Variants in CEP43 observed in about 807,000 individuals in gnomAD.
The protein encoded by CEP43 is centrosomal protein 43.
Under a neutral mutation model 52.6 loss-of-function variants are expected in CEP43, and 36 were observed. The observed-to-expected ratio is 0.68, with a 90% confidence interval of 0.52 to 0.90. CEP43 has a LOEUF of 0.90. CEP43 is among the 40% of genes least tolerant of loss of function. The pLI is 0.00. For missense variants in CEP43, 506 were observed against 472.8 expected (o/e 1.07, Z -0.65); for synonymous variants, 192 against 172.4 (o/e 1.11, Z -0.89).
In CEP43 at chr6:167,052,091, T is replaced by C. The variant is rs1461280804; in HGVS notation, c.*12113T>C. ...TTATTTTTAACTATATTTTTACGTA[T>C]TTCCTTAATGAATGCTTGATGGCTC... On this transcript the variant is annotated 3_prime_UTR_variant, in exon 13 of 13. Coordinates refer to ENST00000366847, the MANE Select transcript of CEP43 (RefSeq NM_007045.4). 6.6e-6 allele frequency: 1 copy of C among 152,204 alleles called. No individual in the cohort carries two copies. The highest frequency in any genetic ancestry group is 2.4e-5 in the African/African-American group (1 of 41,460). 9.4% of individuals were successfully genotyped at this position (152,204 alleles called of 1,614,324 possible).
In CEP43 at chr6:167,048,589, C is replaced by T. The variant is rs1394931894; in HGVS notation, c.*8611C>T. On this transcript the variant is annotated 3_prime_UTR_variant, in exon 13 of 13. Coordinates refer to ENST00000366847, the MANE Select transcript of CEP43 (RefSeq NM_007045.4). Reference sequence around the variant, plus strand: ...AACTATCTTTCAAATTATATCAAAACAGTGATTCATAAATTCCATGTTGCC... The same window carrying T: ...AACTATCTTTCAAATTATATCAAAATAGTGATTCATAAATTCCATGTTGCC... 6.6e-6 allele frequency: 1 copy of T among 152,134 alleles called. No individual in the cohort carries two copies. The highest frequency in any genetic ancestry group is 1.5e-5 in the Non-Finnish European group (1 of 68,022). The allele number at this position is 152,134 out of a possible 1,614,324, so 9.4% of individuals were successfully genotyped here. A position where few individuals can be genotyped will look rare whatever the true frequency, so the allele number is the denominator to read the frequency against.
intron 7 of CEP43, 152 bp from the exon 8 acceptor site, chr6:167,022,257 C>A: frequency 1.8e-6 from 1 of 571,396 alleles, no homozygotes; most frequent in Non-Finnish European, 3.0e-6. Context: ...GAGAGCTGCC[C>A]CAACACACAC....
intron 7 of CEP43, among the ~76,000 whole-genome samples, chr6:167,021,545 G>A (rs910533718): frequency 2.6e-5 from 4 of 152,058 alleles, no homozygotes; most frequent in Non-Finnish European, 5.9e-5. Flanking sequence ...ACATAGACCC[G>A]TCTAAGGGCA....
intron 5 of CEP43, among the ~76,000 whole-genome samples, chr6:167,009,321 C>A (rs531018393): frequency 1.6e-3 from 242 of 151,582 alleles, no homozygotes; most frequent in African/African-American, 5.7e-3. Context: ...ACCAGCCTGG[C>A]CAACATAGTG....
intron 5 of CEP43, among the ~76,000 whole-genome samples, chr6:167,010,469 C>T (rs564382694): frequency 6.6e-6 from 1 of 152,128 alleles, no homozygotes; most frequent in East Asian, 1.9e-4. Context: ...AAAAGTAGAT[C>T]TTAGAGAATT....
Position 167,040,657 on chromosome 6 carries a change from G to C in CEP43, c.*679G>C. 9.8e-7 allele frequency: 1 copy of C among 1,024,628 alleles called. No homozygotes were observed. 63.5% of individuals were successfully genotyped at this position (1,024,628 alleles called of 1,614,324 possible). On this transcript the variant is annotated 3_prime_UTR_variant, in exon 13 of 13. Transcript: ENST00000366847. ...TAGAATTGTCAATAACATAACATTT[G>C]CAATCGTCATTCCTCCTGTTATCCA...
chr6:167,041,796 CTT>C lies in CEP43; in HGVS notation c.*1823_*1824del, dbSNP rs34578448. 2 of 728,064 alleles carry C rather than the reference CTT, an allele frequency of 2.7e-6. No homozygotes were observed. The highest frequency in any genetic ancestry group is 3.2e-6 in the Non-Finnish European group (2 of 622,100). The allele number at this position is 728,064 out of a possible 1,614,324, so 45.1% of individuals were successfully genotyped here. On this transcript the variant is annotated 3_prime_UTR_variant, in exon 13 of 13. Transcript: ENST00000366847. Reference sequence around the variant, plus strand: ...TAAAAGAAATATGCCAAATATGAAACTTTTTTGTCAGCACTACATACATCTTT... The same window carrying C: ...TAAAAGAAATATGCCAAATATGAAACTTTTGTCAGCACTACATACATCTTT...
rs200312790 is a variant in CEP43, at chr6:167,003,725, C to A, written c.214C>A (p.Arg72Ser). 5 of 1,603,724 alleles carry A rather than the reference C, an allele frequency of 3.1e-6. No individual in the cohort carries two copies. Among genetic ancestry groups the A allele is most frequent in the South Asian group, 1.1e-5 (1 of 90,194 alleles). ...LKKFLNTKDG[R>S]LVASLVAEFL... ...TACCTTTTTCTTGATCTTTATAGGTCGTTTAGTGGCTAGTCTTGTTGCAGA... is the reference window on the plus strand; with the variant it reads ...TACCTTTTTCTTGATCTTTATAGGTAGTTTAGTGGCTAGTCTTGTTGCAGA... Residue 72 changes from arginine to serine, a missense_variant and splice_region_variant, in exon 4 of 13, where the codon CGT becomes AGT. Arg to Ser is a moderately radical substitution (Grantham distance 110, BLOSUM62 -1). Coordinates refer to ENST00000366847, the MANE Select transcript of CEP43 (RefSeq NM_007045.4).
chr6:167,039,407 G>T (rs1780647949), intron 12 of CEP43, among the ~76,000 whole-genome samples: 2 of 152,354 alleles, frequency 1.3e-5, no homozygotes, highest in South Asian at 4.1e-4. Context: ...GGGATTGCAG[G>T]CATGAGCCAC....
intron 8 of CEP43, among the ~76,000 whole-genome samples, chr6:167,023,756 G>A (rs1271998867): frequency 6.6e-6 from 1 of 152,160 alleles, no homozygotes; most frequent in East Asian, 1.9e-4. Context: ...TGGAGGTGGC[G>A]GTAGGGAGGA....
At chr6:167,038,988 A>G (rs1780637072) in intron 12 of CEP43, among the ~76,000 whole-genome samples, 2 of 152,130 alleles carry the variant, frequency 1.3e-5, no homozygotes, top group African/African-American at 4.8e-5. Context: ...AGTCCATTGT[A>G]TCATTCTTAT....
At chr6:167,022,219 G>A (rs1472469622) in intron 7 of CEP43, among the ~76,000 whole-genome samples, 190 bp from the exon 8 acceptor site, 1 of 151,332 alleles carries the variant, frequency 6.6e-6, no homozygotes, top group East Asian at 1.9e-4. Flanking sequence ...GTGATGAATT[G>A]TGGCATTGCT....
chr6:167,032,752 C>T (rs1780498786), intron 11 of CEP43, 110 bp downstream of exon 11: 1 of 974,426 alleles, frequency 1.0e-6, no homozygotes, highest in South Asian at 2.5e-5. Flanking sequence ...GTATTTGATT[C>T]TGTTGTTCAT....
chr6:167,022,426 CA>C lies in CEP43; in HGVS notation c.599del (p.Asn200IlefsTer31), dbSNP rs777249598. The C allele has an allele frequency of 1.9e-6, 3 of 1,613,532 alleles. No individual in the cohort carries two copies. Among genetic ancestry groups the C allele is most frequent in the Non-Finnish European group, 2.5e-6 (3 of 1,179,668 alleles). The stretch of plus-strand genomic sequence containing the variant: ...CTTTCTAGAAGGCCAATGATGAGGC[CA>C]ATCAGAGTGATACAAGTGTCTCCTT... ...AGDKKANDEA[N>X]QSDTSVSLSE... On this transcript the variant is annotated frameshift_variant, in exon 8 of 13. Coordinates refer to ENST00000366847, the MANE Select transcript of CEP43 (RefSeq NM_007045.4). LOFTEE classifies it high-confidence loss of function.
At chr6:167,006,271 C>G (rs749429698) in intron 5 of CEP43, among the ~76,000 whole-genome samples, 1 of 152,198 alleles carries the variant, frequency 6.6e-6, no homozygotes, top group Non-Finnish European at 1.5e-5. Flanking sequence ...AATCCCAGCA[C>G]TTTGGGAGGC....
At chr6:167,007,284 C>A (rs967812634) in intron 5 of CEP43, among the ~76,000 whole-genome samples, 1 of 152,182 alleles carries the variant, frequency 6.6e-6, no homozygotes, top group Non-Finnish European at 1.5e-5. Flanking sequence ...AATCACTGTT[C>A]TTCAGTACTT....
intron 5 of CEP43, among the ~76,000 whole-genome samples, chr6:167,010,050 T>TA (rs1290393321): frequency 1.3e-5 from 2 of 152,200 alleles, no homozygotes; most frequent in Non-Finnish European, 2.9e-5. Context: ...GAACTGAAGT[T>TA]ATGAAGAACA....
intron 9 of CEP43, among the ~76,000 whole-genome samples, chr6:167,026,115 A>G (rs189139421): frequency 6.6e-6 from 1 of 152,230 alleles, no homozygotes; most frequent in Non-Finnish European, 1.5e-5. Context: ...CTGTAATACC[A>G]GCACTTTGGG....
chr6:167,008,609 A>G (rs1314059048), intron 5 of CEP43, among the ~76,000 whole-genome samples: 1 of 152,100 alleles, frequency 6.6e-6, no homozygotes, highest in Non-Finnish European at 1.5e-5. Flanking sequence ...CTGGGACTAC[A>G]GGCAGCCACC....
Sources: gnomAD v4.1 joint callset for allele counts (sites outside exome capture counted in the v4.1 genomes callset) on GRCh38, gnomAD v4.1.1 for gene constraint, MANE v1.5 for transcripts, NCBI Gene and HGNC (gene_info 2026-07-23, HGNC 2026-07-21) for gene names.